Variants in ST7L observed in about 807,000 individuals in gnomAD.
ST7L encodes suppression of tumorigenicity 7 like, also known as suppressor of tumorigenicity 7 protein-like.
In ST7L, 57 loss-of-function variants were observed where a neutral mutation model predicts 72.5. The observed-to-expected ratio is 0.79, with a 90% confidence interval of 0.64 to 0.98. ST7L has a LOEUF of 0.98. ST7L is among the 50% of genes least tolerant of loss of function. ST7L has a pLI of 0.00. For missense variants in ST7L, 576 were observed against 672.2 expected, an observed-to-expected ratio of 0.86 and a Z score of 1.58; for synonymous variants, 221 against 240.9, an observed-to-expected ratio of 0.92 and a Z score of 0.77.
At position 112,610,942 on chromosome 1, in the gene ST7L, C is replaced by T; in HGVS notation, c.350G>A (p.Ser117Asn). 1 of 1,614,202 alleles carries T rather than the reference C, an allele frequency of 6.2e-7. No homozygotes were observed. The highest frequency in any genetic ancestry group is 2.2e-5 in the East Asian group (1 of 44,880). Residue 117 changes from serine to asparagine, a missense_variant, in exon 3 of 15, where the codon AGC (serine) becomes AAC (asparagine). Transcript: ENST00000358039. ...GTSFIEQVSV[S>N]HLQPLMGGTE... ...TCCTCCCATCAGTGGTTGCAAATGG[C>T]TTACAGATACTTGCTCAATAAAAGA... is the stretch of plus-strand genomic sequence containing the variant.
chr1:112,529,754 A>G (rs1654066002), intron 14 of ST7L: 1 of 150,206 alleles, frequency 6.7e-6, no homozygotes, highest in Non-Finnish European at 1.5e-5. Context: ...TAAAAGTTAA[A>G]AAAAAAAAAA....
intron 6 of ST7L, 62 bp downstream of exon 6, chr1:112,591,462 AT>A: frequency 7.1e-7 from 1 of 1,416,398 alleles, no homozygotes; most frequent in Non-Finnish European, 9.9e-7. Flanking sequence ...CAAAGGAGAC[AT>A]AAAAATCATT....
chr1:112,580,294 G>A (rs372377721), intron 9 of ST7L, among the ~76,000 whole-genome samples: 29 of 152,182 alleles, frequency 1.9e-4, no homozygotes, highest in African/African-American at 6.7e-4. Context: ...GACTACAGGC[G>A]CATGCCACCA....
At chr1:112,602,361 G>C (rs1313262496) in intron 3 of ST7L, among the ~76,000 whole-genome samples, 3 of 152,144 alleles carry the variant, frequency 2.0e-5, no homozygotes, top group Admixed American at 6.6e-5. Context: ...CTGAGAGTAA[G>C]GGTGTCCTTA....
chr1:112,614,507 T>G (rs970773877), intron 2 of ST7L, among the ~76,000 whole-genome samples: 2 of 152,244 alleles, frequency 1.3e-5, no homozygotes, highest in African/African-American at 4.8e-5. Context: ...CCTCAATAGC[T>G]TCTATTTTTT....
At chr1:112,573,209 A>G (rs1360119001) in intron 11 of ST7L, among the ~76,000 whole-genome samples, 1 of 151,898 alleles carries the variant, frequency 6.6e-6, no homozygotes, top group Non-Finnish European at 1.5e-5. Flanking sequence ...TTAGCTGGGT[A>G]TGGTGGCGCA....
intron 14 of ST7L, among the ~76,000 whole-genome samples, chr1:112,530,994 T>G (rs1188106349): frequency 2.6e-5 from 4 of 152,244 alleles, no homozygotes; most frequent in African/African-American, 9.6e-5. Flanking sequence ...GATGTGTGCC[T>G]ATTTTCAGAA....
intron 11 of ST7L, among the ~76,000 whole-genome samples, chr1:112,565,204 T>C (rs7540251): frequency 0.21 from 29,777 of 141,592 alleles, 3,402 homozygotes; most frequent in Non-Finnish European, 0.25. Flanking sequence ...ACCACCATGT[T>C]CGGCTAATTT....
At chr1:112,615,159 T>C (rs529563105) in intron 2 of ST7L, among the ~76,000 whole-genome samples, 2 of 152,118 alleles carry the variant, frequency 1.3e-5, no homozygotes, top group African/African-American at 4.8e-5. Context: ...CACACACGCC[T>C]AATTTTTGTA....
chr1:112,573,808 C>T (rs556438233), intron 11 of ST7L, among the ~76,000 whole-genome samples: 11 of 151,552 alleles, frequency 7.3e-5, no homozygotes, highest in South Asian at 2.1e-4. Context: ...GCGGGCAGAT[C>T]GCTTGAGCCC....
At chr1:112,528,873 A>G (rs889720626) in intron 14 of ST7L, 3 of 152,212 alleles carry the variant, frequency 2.0e-5, no homozygotes, top group African/African-American at 7.2e-5. Flanking sequence ...CAGCTCACTA[A>G]TAAATGAGGA....
chr1:112,539,976 CT>C, intron 14 of ST7L: 2 of 985,362 alleles, frequency 2.0e-6, no homozygotes, highest in Non-Finnish European at 1.2e-6. Flanking sequence ...AACTTTTGGT[CT>C]GAAAAAGAAG....
chr1:112,558,955 A>G (rs1267814949), intron 11 of ST7L, among the ~76,000 whole-genome samples: 1 of 152,222 alleles, frequency 6.6e-6, no homozygotes, highest in Non-Finnish European at 1.5e-5. Flanking sequence ...AAATGTGGCA[A>G]TCACAGTGGA....
At chr1:112,591,239 T>C (rs1665675553) in intron 6 of ST7L, among the ~76,000 whole-genome samples, 1 of 152,142 alleles carries the variant, frequency 6.6e-6, no homozygotes, top group Non-Finnish European at 1.5e-5. Context: ...CCTAGTATGT[T>C]AGTACCCTTT....
Position 112,570,127 on chromosome 1 carries a change from C to T in ST7L, c.1245+6859G>A, listed in dbSNP as rs368726530. ...ATATAGTAGCTGAAAGATAAACGAC[C>T]GTTTTTGTGTTTGGCAACTAAAAAA... On this transcript the variant is annotated intron_variant, in intron 11 of 14. Transcript: ENST00000358039. 9.9e-5 allele frequency among the ~76,000 whole-genome samples: 15 copies of T among 152,010 alleles called. No individual in the cohort carries two copies. The East Asian group carries it at 1.9e-3, about 20-fold the overall frequency.
intron 14 of ST7L, chr1:112,527,113 T>C (rs1194959182): frequency 6.6e-6 from 1 of 152,268 alleles, no homozygotes; most frequent in Non-Finnish European, 1.5e-5. Context: ...AGATGACGTA[T>C]GCAAGGGGAA....
At chr1:112,602,785 C>T (rs1419198989) in intron 3 of ST7L, among the ~76,000 whole-genome samples, 20 of 149,422 alleles carry the variant, frequency 1.3e-4, no homozygotes, top group African/African-American at 4.0e-4. Context: ...GTGCAATCTC[C>T]GTTCACTGCA....
intron 11 of ST7L, among the ~76,000 whole-genome samples, chr1:112,559,551 A>C (rs1263329470): frequency 1.3e-5 from 2 of 152,184 alleles, no homozygotes; most frequent in Non-Finnish European, 2.9e-5. Flanking sequence ...ACTTTTTTAA[A>C]CAGCAACTAT....
chr1:112,556,985 C>CAAAA (rs1196828305), intron 11 of ST7L, among the ~76,000 whole-genome samples: 2 of 82,110 alleles, frequency 2.4e-5, no homozygotes, highest in African/African-American at 5.0e-5. Flanking sequence ...AAAAAAAAAA[C>CAAAA]AAAAAAAAAA....
Sources: allele counts gnomAD v4.1 joint callset (sites outside exome capture counted in the v4.1 genomes callset), GRCh38; gene constraint gnomAD v4.1.1; transcripts MANE v1.5; gene names NCBI Gene and HGNC (gene_info 2026-07-23, HGNC 2026-07-21).